PCGF3: variants seen among roughly 807,000 people sequenced by gnomAD.
PCGF3 encodes the protein polycomb group ring finger 3, also known as polycomb group RING finger protein 3.
A neutral mutation model predicts 33.1 loss-of-function variants in PCGF3; 7 were observed. The ratio of observed to expected loss-of-function variants is 0.21; its 90% CI spans 0.12 to 0.40. The LOEUF is 0.40. Among genes scored for constraint, PCGF3 ranks in the 10% least tolerant of loss-of-function variants. The probability of loss-of-function intolerance (pLI) is 1.00; values close to 1 mark genes in which losing one functional copy is unlikely to be tolerated. For synonymous variants in PCGF3, 153 were observed against 121.3 expected (o/e 1.26, Z -1.72); for missense variants, 211 against 313.3 (o/e 0.67, Z 2.46).
At chr4:765,129 TATCTAAAATGTTAAATG>T in intron 10 of PCGF3, 65 bp downstream of exon 10, 1 of 1,138,670 alleles carries the variant, frequency 8.8e-7, no homozygotes, top group East Asian at 2.4e-5. Flanking sequence ...GTGCATCTCT[TATCTAAAATGTTAAATG>T]ACTCCAGCTG....
intron 1 of PCGF3, among the ~76,000 whole-genome samples, chr4:706,276 C>G (rs908050246): frequency 6.7e-6 from 1 of 150,232 alleles, no homozygotes; most frequent in African/African-American, 2.5e-5. Context: ...GACCCCAGCC[C>G]AGGCAGGACT....
At position 763,263 on chromosome 4, in the gene PCGF3, G is replaced by C. The variant is rs1353295475; in HGVS notation, c.601-1721G>C. On this transcript the variant is annotated intron_variant, in intron 9 of 10. Coordinates refer to ENST00000362003, the Ensembl canonical transcript of PCGF3. ...GCTGGGGACAGAGCAGGCCGAGGAAGTCCTTGGATTTTCATGTGGAGGTGT... is the reference window on the plus strand; with the variant it reads ...GCTGGGGACAGAGCAGGCCGAGGAACTCCTTGGATTTTCATGTGGAGGTGT... Among the ~76,000 whole-genome samples the C allele has an allele frequency of 2.6e-5, 4 of 152,226 alleles. No homozygotes were observed. The South Asian group carries it at 8.3e-4, about 31-fold the overall frequency.
intron 1 of PCGF3, among the ~76,000 whole-genome samples, chr4:718,698 GGGGCTGGGAGTCAAGGACC>G (rs1742957623): frequency 6.6e-6 from 1 of 152,178 alleles, no homozygotes; most frequent in South Asian, 2.1e-4. Flanking sequence ...CACCCTGAGT[GGGGCTGGGAGTCAAGGACC>G]AGGCTGGGGG....
At chr4:765,387 C>G (rs551615315) in intron 10 of PCGF3, among the ~76,000 whole-genome samples, 1 of 151,310 alleles carries the variant, frequency 6.6e-6, no homozygotes. Flanking sequence ...GAGCCAAGAT[C>G]GTGCCACTGC....
chr4:753,305 T>C (rs939576853), intron 8 of PCGF3, among the ~76,000 whole-genome samples: 1 of 152,088 alleles, frequency 6.6e-6, no homozygotes, highest in African/African-American at 2.4e-5. Flanking sequence ...CAACTCAGCC[T>C]CCCGAGTAGG....
At chr4:710,892 G>A (rs1270675832) in intron 1 of PCGF3, among the ~76,000 whole-genome samples, 1 of 152,204 alleles carries the variant, frequency 6.6e-6, no homozygotes, top group Admixed American at 6.5e-5. Context: ...ACCGACTTCT[G>A]TTAAGTTTTC....
At chr4:751,956 C>A (rs993321900) in intron 8 of PCGF3, among the ~76,000 whole-genome samples, 1 of 152,268 alleles carries the variant, frequency 6.6e-6, no homozygotes, top group African/African-American at 2.4e-5. Flanking sequence ...ACTGGTGGCT[C>A]CTCTGAATCT....
At chr4:766,836 C>A (rs1179730556) in exon 11 of PCGF3, 1 of 152,238 alleles carries the variant, frequency 6.6e-6, no homozygotes, top group Non-Finnish European at 1.5e-5. Context: ...GGCCGTGTGA[C>A]CAGCTCAGTG....
chr4:769,737 T>C (rs988233885), exon 11 of PCGF3: 1 of 152,668 alleles, frequency 6.6e-6, no homozygotes, highest in African/African-American at 2.4e-5. Flanking sequence ...TCCGTGTAAA[T>C]GTCCACTCCC....
chr4:760,220 T>C (rs1744973702), intron 8 of PCGF3, among the ~76,000 whole-genome samples: 1 of 152,214 alleles, frequency 6.6e-6, no homozygotes, highest in Non-Finnish European at 1.5e-5. Context: ...CCCTTCACTG[T>C]TGTGGGAGAT....
chr4:760,102 C>T (rs1320656138), intron 8 of PCGF3, among the ~76,000 whole-genome samples: 1 of 152,236 alleles, frequency 6.6e-6, no homozygotes, highest in Non-Finnish European at 1.5e-5. Flanking sequence ...ACTTATCTCC[C>T]CAGTGGCTCT....
At chr4:742,636 A>G (rs1364632521) in intron 6 of PCGF3, among the ~76,000 whole-genome samples, 1 of 151,890 alleles carries the variant, frequency 6.6e-6, no homozygotes, top group Non-Finnish European at 1.5e-5. Flanking sequence ...TTTCCCTGGA[A>G]CCTGCGAGGT....
chr4:762,636 C>T (rs1745124773), intron 9 of PCGF3: 1 of 152,286 alleles, frequency 6.6e-6, no homozygotes, highest in Non-Finnish European at 1.5e-5. Flanking sequence ...CTTGAATGTC[C>T]CAGCTCCCAG....
chr4:707,987 G>T (rs1360917940), intron 1 of PCGF3, among the ~76,000 whole-genome samples: 3 of 127,852 alleles, frequency 2.3e-5, no homozygotes, highest in East Asian at 4.6e-4. Flanking sequence ...TCCCCTGGGG[G>T]TCGGGACCCT....
At chr4:749,625 T>C (rs1433498276) in intron 8 of PCGF3, among the ~76,000 whole-genome samples, 1 of 151,514 alleles carries the variant, frequency 6.6e-6, no homozygotes. Context: ...TAGCTGGGAT[T>C]ACAGGCACAC....
chr4:721,046 C>G lies in PCGF3; in HGVS notation c.-189-9584C>G, dbSNP rs186361921. 5.9e-3 allele frequency among the ~76,000 whole-genome samples: 897 copies of G among 152,184 alleles called. 7 individuals are homozygous for G. The highest frequency in any genetic ancestry group is 0.024 in the Middle Eastern group (7 of 294). The stretch of plus-strand genomic sequence containing the variant: ...GATGGGAGGCATGGAGCAGACGGGA[C>G]TCCACGTGGCACCACCCCTCCCACC... On this transcript the variant is annotated intron_variant, in intron 1 of 10. Transcript: ENST00000362003. The surrounding 1 kb of genome is among the most constrained non-coding windows in gnomAD (Gnocchi z 4.1).
intron 1 of PCGF3, among the ~76,000 whole-genome samples, chr4:717,089 C>G (rs1742888250): frequency 8.7e-6 from 1 of 115,270 alleles, no homozygotes; most frequent in African/African-American, 3.5e-5. Context: ...AGTGTGAGAA[C>G]TGAGCGTCGG....
At chr4:766,257 C>G (rs1745367237) in exon 11 of PCGF3, 1 of 590,772 alleles carries the variant, frequency 1.7e-6, no homozygotes, top group African/African-American at 1.9e-5. Flanking sequence ...ACCACGTTTA[C>G]AGAGGATGAA....
chr4:711,129 C>T (rs1742543597), intron 1 of PCGF3, among the ~76,000 whole-genome samples: 1 of 152,230 alleles, frequency 6.6e-6, no homozygotes, highest in African/African-American at 2.4e-5. Context: ...GGACCCCATG[C>T]CTCCTTCCGG....
Sources: gnomAD v4.1 joint callset for allele counts (sites outside exome capture counted in the v4.1 genomes callset) on GRCh38, gnomAD v4.1.1 for gene constraint, Gnocchi (gnomAD v3.1) non-coding constraint, MANE v1.5 for transcripts, NCBI Gene and HGNC (gene_info 2026-07-23, HGNC 2026-07-21) for gene names.